FRMD4A: variants seen among roughly 807,000 people sequenced by gnomAD.
FRMD4A encodes the protein FERM domain-containing protein 4A.
FRMD4A carries 29 observed loss-of-function variants against 129.1 expected under a neutral mutation model. The ratio of observed to expected loss-of-function variants is 0.22; its 90% CI spans 0.17 to 0.31. FRMD4A has a LOEUF of 0.31. FRMD4A is among the 10% of genes least tolerant of loss of function. FRMD4A has a pLI of 1.00. For synonymous variants in FRMD4A, 634 were observed against 571.6 expected (o/e 1.11, Z -1.56); for missense variants, 1,272 against 1,375.8 (o/e 0.92, Z 1.19).
At chr10:13,884,305 A>C (rs1366245662) in intron 2 of FRMD4A, among the ~76,000 whole-genome samples, 2 of 152,030 alleles carry the variant, frequency 1.3e-5, no homozygotes, top group Non-Finnish European at 2.9e-5. Flanking sequence ...TTGTTGCATT[A>C]ATGACTTGGG....
chr10:13,738,805 G>C (rs1192389806), intron 11 of FRMD4A, among the ~76,000 whole-genome samples: 4 of 152,132 alleles, frequency 2.6e-5, no homozygotes, highest in Non-Finnish European at 5.9e-5. Flanking sequence ...ATTTTTAGTA[G>C]AGACAGGATT....
At chr10:13,797,793 CATT>C (rs2093153871) in intron 4 of FRMD4A, among the ~76,000 whole-genome samples, 1 of 152,162 alleles carries the variant, frequency 6.6e-6, no homozygotes, top group Non-Finnish European at 1.5e-5. Flanking sequence ...CTGTCTGCAT[CATT>C]GTCTAAAAAC....
At chr10:14,313,210 T>C (rs929977957) in intron 2 of FRMD4A, among the ~76,000 whole-genome samples, 2 of 151,328 alleles carry the variant, frequency 1.3e-5, no homozygotes, top group African/African-American at 4.9e-5. Flanking sequence ...AAATTTTTTT[T>C]TAATTAACCA....
intron 3 of FRMD4A, among the ~76,000 whole-genome samples, chr10:13,831,362 T>C (rs547718998): frequency 6.6e-6 from 1 of 152,282 alleles, no homozygotes; most frequent in East Asian, 1.9e-4. Context: ...GCAGGAGGAT[T>C]GCTTGAGCGT....
chr10:14,259,665 C>A (rs1431993971), intron 2 of FRMD4A, among the ~76,000 whole-genome samples: 3 of 152,264 alleles, frequency 2.0e-5, no homozygotes, highest in East Asian at 3.9e-4. Context: ...AGAAAATATT[C>A]TTTAAAAAGA....
chr10:13,961,517 G>A (rs970987924), intron 2 of FRMD4A, among the ~76,000 whole-genome samples: 1 of 152,176 alleles, frequency 6.6e-6, no homozygotes, highest in African/African-American at 2.4e-5. Context: ...GCCACCTGAT[G>A]GTTCAGAGCT....
chr10:13,958,330 C>T (rs1232636296), intron 2 of FRMD4A, among the ~76,000 whole-genome samples: 1 of 130,638 alleles, frequency 7.7e-6, no homozygotes, highest in Admixed American at 9.4e-5. Context: ...GTCGCCCAGG[C>T]TGGAGTGCAG....
intron 2 of FRMD4A, among the ~76,000 whole-genome samples, chr10:13,881,666 G>T (rs1404814825): frequency 6.6e-6 from 1 of 151,928 alleles, no homozygotes; most frequent in Non-Finnish European, 1.5e-5. Context: ...AAATGCCAGG[G>T]ATAACGCTGG....
At chr10:13,835,794 A>G (rs2093863772) in intron 3 of FRMD4A, among the ~76,000 whole-genome samples, 1 of 152,228 alleles carries the variant, frequency 6.6e-6, no homozygotes, top group African/African-American at 2.4e-5. Context: ...ATAGAAATAA[A>G]GTGCACAAGA....
intron 2 of FRMD4A, among the ~76,000 whole-genome samples, chr10:14,299,587 A>G (rs1313238808): frequency 1.3e-5 from 2 of 152,156 alleles, no homozygotes; most frequent in East Asian, 3.9e-4. Flanking sequence ...GCATCATTCC[A>G]ATCTCCATTC....
chr10:14,190,758 ATCTG>A (rs1842292274), intron 2 of FRMD4A, among the ~76,000 whole-genome samples: 2 of 152,212 alleles, frequency 1.3e-5, no homozygotes, highest in African/African-American at 4.8e-5. Context: ...TCAAGTTCAA[ATCTG>A]TCTATCTGTG....
At chr10:14,092,637 G>A (rs1336701446) in intron 2 of FRMD4A, among the ~76,000 whole-genome samples, 2 of 152,236 alleles carry the variant, frequency 1.3e-5, no homozygotes, top group Non-Finnish European at 2.9e-5. Flanking sequence ...GTTTGCAGGG[G>A]TGATCCTCAT....
intron 2 of FRMD4A, among the ~76,000 whole-genome samples, chr10:13,862,233 A>C (rs939288580): frequency 6.6e-5 from 10 of 152,246 alleles, no homozygotes; most frequent in African/African-American, 2.4e-4. Context: ...TTAAGGGTAT[A>C]AACATGCTCT....
intron 2 of FRMD4A, among the ~76,000 whole-genome samples, chr10:14,192,237 A>G (rs996835362): frequency 6.6e-6 from 1 of 152,184 alleles, no homozygotes; most frequent in Non-Finnish European, 1.5e-5. Context: ...TTTTCTTTGT[A>G]AGAATTGCTA....
chr10:13,682,003 T>C (rs2084638225), intron 15 of FRMD4A, among the ~76,000 whole-genome samples: 1 of 152,078 alleles, frequency 6.6e-6, no homozygotes, highest in African/African-American at 2.4e-5. Flanking sequence ...GAGGACTGCT[T>C]GAGGCCAAGA....
rs547641185 is a variant in FRMD4A at position 14,153,427 on chromosome 10, C to A, written c.45+176631G>T. The stretch of plus-strand genomic sequence containing the variant: ...CAGCAGACATTATTAATCAATATTT[C>A]ATTCTTTTCTGACTACACATGCACA... On this transcript the variant is annotated intron_variant, in intron 2 of 24. Transcript: ENST00000357447. 4.7e-3 allele frequency among the ~76,000 whole-genome samples: 716 copies of A among 152,158 alleles called. 11 individuals are homozygous for A. The highest frequency in any genetic ancestry group is 4.5e-3 in the Non-Finnish European group (308 of 68,018).
intron 2 of FRMD4A, among the ~76,000 whole-genome samples, chr10:14,246,716 C>T (rs1041646449): frequency 1.3e-5 from 2 of 152,134 alleles, no homozygotes; most frequent in Non-Finnish European, 2.9e-5. Flanking sequence ...AAGTGTTTAA[C>T]GCCATCCCCA....
chr10:14,075,349 A>G (rs1345849340), intron 2 of FRMD4A, among the ~76,000 whole-genome samples: 3 of 152,224 alleles, frequency 2.0e-5, no homozygotes, highest in Admixed American at 1.3e-4. Context: ...CTTGACCTCC[A>G]CAACCATGTT....
At chr10:13,833,714 C>T (rs945578969) in intron 3 of FRMD4A, among the ~76,000 whole-genome samples, 2 of 151,990 alleles carry the variant, frequency 1.3e-5, no homozygotes, top group East Asian at 1.9e-4. Context: ...CCTAGCATCT[C>T]GTAAGTCTTT....
Sources: gnomAD v4.1 joint callset for allele counts (sites outside exome capture counted in the v4.1 genomes callset) on GRCh38, gnomAD v4.1.1 for gene constraint, MANE v1.5 for transcripts, NCBI Gene and HGNC (gene_info 2026-07-23, HGNC 2026-07-21) for gene names.